CNIH2: variants seen among roughly 807,000 people sequenced by gnomAD.
CNIH2 encodes cornichon family AMPA receptor auxiliary protein 2.
In CNIH2, 8 loss-of-function variants were observed where a neutral mutation model predicts 22.9. The observed-to-expected ratio is 0.35, with a 90% CI of 0.20 to 0.63. The LOEUF is 0.63. Ranked by LOEUF, CNIH2 falls within the 30% of genes least tolerant of loss-of-function variation. The pLI, the probability that CNIH2 is intolerant of heterozygous loss-of-function variation, is 0.72. For synonymous variants in CNIH2, 74 were observed against 78.2 expected, an observed-to-expected ratio of 0.95 and a Z score of 0.28; for missense variants, 105 against 206.2, an observed-to-expected ratio of 0.51 and a Z score of 3.01.
intron 1 of CNIH2, 36 bp downstream of exon 1, chr11:66,278,573 TG>T (rs766487617): frequency 2.7e-5 from 4 of 147,230 alleles, no homozygotes; most frequent in Non-Finnish European, 1.3e-5. Flanking sequence ...GGGGGCGGGG[TG>T]GGGGGCAGGG....
intron 3 of CNIH2, 78 bp from the exon 4 acceptor site, chr11:66,282,956 AC>A: frequency 7.0e-7 from 1 of 1,420,758 alleles, no homozygotes; most frequent in South Asian, 1.2e-5. Flanking sequence ...CACCTCCCAA[AC>A]CCCAGCTCCT....
At chr11:66,282,540 G>A in intron 2 of CNIH2, 193 bp from the exon 3 acceptor site, 1 of 844,930 alleles carries the variant, frequency 1.2e-6, no homozygotes, top group Non-Finnish European at 1.9e-6. Context: ...CTGGGCCGTT[G>A]CCATGGAGAC....
intron 1 of CNIH2, among the ~76,000 whole-genome samples, chr11:66,280,038 G>A (rs1027446551): frequency 1.3e-5 from 2 of 152,222 alleles, no homozygotes; most frequent in Non-Finnish European, 2.9e-5. Flanking sequence ...AGGGCTCCTG[G>A]AATTCAAGAA....
At chr11:66,282,678 G>A (rs1275233206) in intron 2 of CNIH2, 55 bp from the exon 3 acceptor site, 3 of 1,602,810 alleles carry the variant, frequency 1.9e-6, no homozygotes, top group African/African-American at 1.3e-5. Context: ...GGTGGGAGCT[G>A]CTCCAGTACC....
Position 66,278,921 on chromosome 11 carries a change from C to A in CNIH2, c.81+384C>A, listed in dbSNP as rs552915564. Among the ~76,000 whole-genome samples, 68 of 99,998 alleles carry A rather than the reference C, an allele frequency of 6.8e-4. 7 individuals are homozygous for A. Among genetic ancestry groups the A allele is most frequent in the African/African-American group, 2.4e-3 (65 of 27,388 alleles). The allele number at this position is 99,998 out of a possible 152,430, so 65.6% of individuals were successfully genotyped here. ...GGCAGTTTGTCTGTCTGCTGCCCCC[C>A]CCCCCCCGCCTTTGTGGGTTTTTCC... is the stretch of plus-strand genomic sequence containing the variant. On this transcript the variant is annotated intron_variant, in intron 1 of 5. Coordinates refer to ENST00000311445, the MANE Select transcript of CNIH2 (RefSeq NM_182553.3).
rs992465034 is a variant in CNIH2 at position 66,283,968 on chromosome 11, TGAGGCTCCCCCTGCAGGTG to T, written c.*373_*391del. ...GGGCCATCCCCCTCCACCCCCACCCTGAGGCTCCCCCTGCAGGTGGGGGGGTACCCGCACCGGGAATGAG... is the reference window on the plus strand; with the variant it reads ...GGGCCATCCCCCTCCACCCCCACCCTGGGGGGTACCCGCACCGGGAATGAG... On this transcript the variant is annotated 3_prime_UTR_variant, in exon 6 of 6. Transcript: ENST00000311445. 4.3e-4 allele frequency: 100 copies of T among 232,474 alleles called. No individual in the cohort carries two copies. The highest frequency in any genetic ancestry group is 6.7e-4 in the Non-Finnish European group (77 of 115,568). 14.4% of individuals were successfully genotyped at this position (232,474 alleles called of 1,614,324 possible).
chr11:66,278,626 GC>G, intron 1 of CNIH2, 89 bp downstream of exon 1: 1 of 1,026,580 alleles, frequency 9.7e-7, no homozygotes, highest in Non-Finnish European at 1.3e-6. Context: ...TGGTCTCAGA[GC>G]CCAGGGGAAA....
chr11:66,282,365 C>CGTCT (rs751226651), intron 2 of CNIH2, 38 bp downstream of exon 2: 1 of 1,360,428 alleles, frequency 7.4e-7, no homozygotes, highest in Non-Finnish European at 9.8e-7. Context: ...TGTGTCCGTC[C>CGTCT]GTCTGTCTTT....
chr11:66,279,618 C>T (rs546450838), intron 1 of CNIH2, among the ~76,000 whole-genome samples: 1 of 152,302 alleles, frequency 6.6e-6, no homozygotes, highest in African/African-American at 2.4e-5. Context: ...TAGCCCTTCC[C>T]TCCTTCCTCC....
chr11:66,282,400 G>C (rs1416058445), intron 2 of CNIH2, 73 bp downstream of exon 2: 13 of 658,376 alleles, frequency 2.0e-5, no homozygotes, highest in Admixed American at 4.9e-5. Context: ...CTGGGGGTGG[G>C]AGACGGGAAG....
intron 1 of CNIH2, among the ~76,000 whole-genome samples, chr11:66,281,132 C>T (rs571475510): frequency 2.0e-4 from 31 of 152,292 alleles, no homozygotes; most frequent in African/African-American, 7.0e-4. Flanking sequence ...ATCCCATGCA[C>T]GCCTTCCGTC....
At chr11:66,281,133 G>A (rs1457556540) in intron 1 of CNIH2, among the ~76,000 whole-genome samples, 2 of 152,090 alleles carry the variant, frequency 1.3e-5, no homozygotes, top group African/African-American at 4.8e-5. Flanking sequence ...TCCCATGCAC[G>A]CCTTCCGTCT....
In CNIH2 at chr11:66,282,795, T is replaced by C; in HGVS notation, c.198+15T>C. On this transcript the variant is annotated intron_variant, in intron 3 of 5. Coordinates refer to ENST00000311445, the MANE Select transcript of CNIH2 (RefSeq NM_182553.3). ...TCCTGAGGAAGGTCAGTGTCAGGGC[T>C]GGGGGCAGGAGGCTCCTAGCCCAGC... 1.9e-6 allele frequency: 3 copies of C among 1,606,598 alleles called. No homozygotes were observed. The highest frequency in any genetic ancestry group is 2.5e-6 in the Non-Finnish European group (3 of 1,177,026).
intron 1 of CNIH2, among the ~76,000 whole-genome samples, chr11:66,278,862 C>A (rs1378517039): frequency 1.6e-5 from 2 of 125,852 alleles, no homozygotes; most frequent in Admixed American, 1.5e-4. Context: ...ATGTCCCCCC[C>A]CACCACCATC....
At position 66,278,395 on chromosome 11, in the gene CNIH2, G is replaced by C; in HGVS notation, c.-62G>C. ...GCCGGCCCTAAGCGCGGGCCGGGGG[G>C]CGTCCCCTTGCGCCCGGGCCCCGCG... On this transcript the variant is annotated 5_prime_UTR_variant, in exon 1 of 6. Transcript: ENST00000311445. The C allele has an allele frequency of 1.5e-6, 1 of 657,348 alleles. No homozygotes were observed. Among genetic ancestry groups the C allele is most frequent in the Non-Finnish European group, 1.9e-6 (1 of 524,778 alleles). The allele number at this position is 657,348 out of a possible 1,614,324, so 40.7% of individuals were successfully genotyped here. A position where few individuals can be genotyped will look rare whatever the true frequency, so the allele number is the denominator to read the frequency against.
At chr11:66,281,174 T>A (rs1443690267) in intron 1 of CNIH2, among the ~76,000 whole-genome samples, 1 of 152,110 alleles carries the variant, frequency 6.6e-6, no homozygotes, top group Non-Finnish European at 1.5e-5. Context: ...CAGACCACCA[T>A]CAGCCCTGCC....
intron 1 of CNIH2, among the ~76,000 whole-genome samples, chr11:66,281,994 G>A (rs928650657): frequency 2.0e-5 from 3 of 152,124 alleles, no homozygotes; most frequent in African/African-American, 7.2e-5. Flanking sequence ...ACTTGGCAGG[G>A]CAGACACGAA....
intron 2 of CNIH2, 111 bp from the exon 3 acceptor site, chr11:66,282,622 T>C (rs1857277415): frequency 4.6e-6 from 6 of 1,314,214 alleles, no homozygotes; most frequent in South Asian, 1.3e-5. Flanking sequence ...GTGCCGACAG[T>C]GCCGCAGAGA....
At chr11:66,281,308 A>G in intron 1 of CNIH2, 1 of 450,374 alleles carries the variant, frequency 2.2e-6, no homozygotes, top group Admixed American at 2.4e-5. Context: ...TGGACAAGTC[A>G]CTTAACCTGC....
Sources: allele counts gnomAD v4.1 joint callset (sites outside exome capture counted in the v4.1 genomes callset), GRCh38; gene constraint gnomAD v4.1.1; transcripts MANE v1.5; gene names NCBI Gene and HGNC (gene_info 2026-07-23, HGNC 2026-07-21).